The following KBTBD4 variants were observed in gnomAD, a reference collection of about 807,000 sequenced individuals.
KBTBD4 encodes the protein kelch repeat and BTB domain-containing protein 4.
Under a neutral mutation model 43.9 loss-of-function variants are expected in KBTBD4, and 30 were observed. That is an observed-to-expected ratio of 0.68 (90% confidence interval 0.51 to 0.93). The LOEUF (loss-of-function observed/expected upper bound fraction) is 0.93. KBTBD4 is among the 40% of genes least tolerant of loss of function. The pLI is 0.00. For synonymous variants in KBTBD4, 258 were observed against 256.9 expected, an observed-to-expected ratio of 1.00 and a Z score of -0.04; for missense variants, 575 against 668.8, an observed-to-expected ratio of 0.86 and a Z score of 1.55.
rs1371653429 is a variant in KBTBD4, at chr11:47,572,217, T to C, written c.*713A>G. ...ACATATCCCTTCAAAAACTTTTATTTGTATCAACAGTTCCTAGCTCTTGAC... is the reference window on the plus strand; with the variant it reads ...ACATATCCCTTCAAAAACTTTTATTCGTATCAACAGTTCCTAGCTCTTGAC... On this transcript the variant is annotated 3_prime_UTR_variant, in exon 4 of 4. Coordinates refer to ENST00000430070, the MANE Select transcript of KBTBD4 (RefSeq NM_018095.6). The C allele has an allele frequency of 6.5e-6, 1 of 152,930 alleles. No homozygotes were observed. The highest frequency in any genetic ancestry group is 1.5e-5 in the Non-Finnish European group (1 of 68,254). 9.5% of individuals were successfully genotyped at this position (152,930 alleles called of 1,614,324 possible).
Position 47,577,786 on chromosome 11 carries a change from A to T in KBTBD4, c.262T>A (p.Ser88Thr), listed in dbSNP as rs2097262881. 1 of 1,614,044 alleles carries T rather than the reference A, an allele frequency of 6.2e-7. No individual in the cohort carries two copies. The highest frequency in any genetic ancestry group is 8.5e-7 in the Non-Finnish European group (1 of 1,180,042). Residue 88 changes from serine (S) to threonine (T), a missense_variant, in exon 2 of 4, where the codon TCC becomes ACC. Coordinates refer to ENST00000430070, the MANE Select transcript of KBTBD4 (RefSeq NM_018095.6). The stretch of plus-strand genomic sequence containing the variant: ...TCCTTCAGGTTGGAAGTGAACATGG[A>T]TCGGAAGAAGCAGCTCTGAGCTGAG... ...VLSAQSCFFR[S>T]MFTSNLKEAH...
In KBTBD4 at chr11:47,573,571, C is replaced by T. The variant is rs1046517505; in HGVS notation, c.964G>A (p.Val322Ile). Residue 322 changes from valine to isoleucine, a missense_variant, in exon 4 of 4, where the codon GTT (valine) becomes ATT (isoleucine). Transcript: ENST00000430070. The surrounding 1 kb of genome is among the most constrained non-coding windows in gnomAD (Gnocchi z 4.1). ...AAAGGAGCACACCACTCCCAGTCAACGGTGGCATTGTTGCACTTCCACATG... is the reference window on the plus strand; with the variant it reads ...AAAGGAGCACACCACTCCCAGTCAATGGTGGCATTGTTGCACTTCCACATG... ...RRMWKCNNAT[V>I]DWEWCAPLPR... 11 of 1,614,108 alleles carry T rather than the reference C, an allele frequency of 6.8e-6. No individual in the cohort carries two copies. The highest frequency in any genetic ancestry group is 1.3e-5 in the African/African-American group (1 of 74,934).
intron 2 of KBTBD4, 127 bp from the exon 3 acceptor site, chr11:47,575,826 C>A: frequency 1.3e-5 from 7 of 528,888 alleles, no homozygotes; most frequent in Non-Finnish European, 2.0e-5. Flanking sequence ...TACATGCATA[C>A]ATACACATAT....
chr11:47,572,640 T>C lies in KBTBD4; in HGVS notation c.*290A>G. ...CATTGATCAGGTAAAGAGGAGAGGC[T>C]GTGCCTAAGGTCTGAGAAAAGGCTT... On this transcript the variant is annotated 3_prime_UTR_variant, in exon 4 of 4. Transcript: ENST00000430070. 1 of 434,510 alleles carries C rather than the reference T, an allele frequency of 2.3e-6. No homozygotes were observed. Among genetic ancestry groups the C allele is most frequent in the Non-Finnish European group, 4.1e-6 (1 of 241,982 alleles). 26.9% of individuals were successfully genotyped at this position (434,510 alleles called of 1,614,324 possible). A position where few individuals can be genotyped will look rare whatever the true frequency, so the allele number is the denominator to read the frequency against.
At position 47,577,677 on chromosome 11, in the gene KBTBD4, A is replaced by G. The variant is rs2097262522; in HGVS notation, c.371T>C (p.Val124Ala). 21 of 1,614,174 alleles carry G rather than the reference A, an allele frequency of 1.3e-5. No homozygotes were observed. Among genetic ancestry groups the G allele is most frequent in the Non-Finnish European group, 1.7e-5 (20 of 1,180,006 alleles). Reference sequence around the variant, plus strand: ...CTGCAACTCCTCAGCTCGAAGTTTCACAGTCCCATGGTAGATATAATCAAC... The same window carrying G: ...CTGCAACTCCTCAGCTCGAAGTTTCGCAGTCCCATGGTAGATATAATCAAC... ...LLVDYIYHGT[V>A]KLRAEELQEI... Residue 124 changes from valine to alanine, a missense_variant, in exon 2 of 4, where the codon GTG (valine) becomes GCG (alanine). Transcript: ENST00000430070.
In KBTBD4 at chr11:47,573,333, C is replaced by T; in HGVS notation, c.1202G>A (p.Gly401Glu). 4 of 1,614,206 alleles carry T rather than the reference C, an allele frequency of 2.5e-6. No homozygotes were observed. Among genetic ancestry groups the T allele is most frequent in the Non-Finnish European group, 3.4e-6 (4 of 1,180,038 alleles). The change falls in exon 4 of 4, where the codon GGG becomes GAG. Residue 401 changes from glycine to glutamate, a missense_variant. Physicochemically the swap from Gly to Glu is moderately conservative, Grantham distance 98. Coordinates refer to ENST00000430070, the MANE Select transcript of KBTBD4 (RefSeq NM_018095.6). This position sits in a 1 kb window ranked among gnomAD's most constrained non-coding sequence, Gnocchi z 4.1. ...NLNGIIYLLG[G>E]EENDLDFFTK... ...AAAGAAGTCCAGATCATTCTCCTCC[C>T]CCCCTAGTAAGTAGATGATCCCGTT... is the stretch of plus-strand genomic sequence containing the variant.
intron 3 of KBTBD4, among the ~76,000 whole-genome samples, chr11:47,574,616 A>T (rs1308528021): frequency 6.6e-6 from 1 of 151,816 alleles, no homozygotes; most frequent in African/African-American, 2.4e-5. Context: ...AGACTCTGGG[A>T]GGCCAAGGTG....
Position 47,577,795 on chromosome 11 carries a change from A to G in KBTBD4, c.253T>C (p.Phe85Leu). ...HRLVLSAQSC[F>L]FRSMFTSNLK... The stretch of plus-strand genomic sequence containing the variant: ...TTGGAAGTGAACATGGATCGGAAGA[A>G]GCAGCTCTGAGCTGAGAGGACCAGC... Residue 85 changes from phenylalanine (F) to leucine (L), a missense_variant, in exon 2 of 4, where the codon TTC becomes CTC. Phe to Leu is a conservative substitution (Grantham distance 22). Coordinates refer to ENST00000430070, the MANE Select transcript of KBTBD4 (RefSeq NM_018095.6). The G allele has an allele frequency of 3.1e-6, 5 of 1,614,172 alleles. No individual in the cohort carries two copies. The highest frequency in any genetic ancestry group is 4.2e-6 in the Non-Finnish European group (5 of 1,180,028).
rs779958294 is a variant in KBTBD4, at chr11:47,573,048, C to T, written c.1487G>A (p.Arg496Gln). Residue 496 changes from arginine (R) to glutamine (Q), a missense_variant, in exon 4 of 4, where the codon CGG becomes CAG. Physicochemically the swap from Arg to Gln is conservative, Grantham distance 43 (BLOSUM62 1). Coordinates refer to ENST00000430070, the MANE Select transcript of KBTBD4 (RefSeq NM_018095.6). The surrounding 1 kb of genome is among the most constrained non-coding windows in gnomAD (Gnocchi z 4.1). ...GGCATCCCCCTTTTTATATCGGTCC[C>T]GGAAGACATAGATGCTCCCGTTACA... The part of the protein sequence containing the change: ...ASCNGSIYVF[R>Q]DRYKKGDANT... The T allele has an allele frequency of 5.0e-6, 8 of 1,614,014 alleles. No homozygotes were observed. The highest frequency in any genetic ancestry group is 1.6e-4 in the Middle Eastern group (1 of 6,082).
Position 47,575,850 on chromosome 11 carries a change from C to A in KBTBD4, c.638-151G>T. 3 of 442,490 alleles carry A rather than the reference C, an allele frequency of 6.8e-6. No individual in the cohort carries two copies. The South Asian group carries it at 9.7e-5, about 14-fold the overall frequency. The allele number at this position is 442,490 out of a possible 1,614,324, so 27.4% of individuals were successfully genotyped here. On this transcript the variant is annotated intron_variant, in intron 2 of 3. Coordinates refer to ENST00000430070, the MANE Select transcript of KBTBD4 (RefSeq NM_018095.6). Reference sequence around the variant, plus strand: ...ACATACACATATACATGAAATTAACCTAAAATTGCTTTTTTTTTTTTTTTG... The same window carrying A: ...ACATACACATATACATGAAATTAACATAAAATTGCTTTTTTTTTTTTTTTG...
chr11:47,578,150 A>G (rs2097263817), intron 1 of KBTBD4, 122 bp from the exon 2 acceptor site: 3 of 1,097,684 alleles, frequency 2.7e-6, no homozygotes, highest in Non-Finnish European at 2.6e-6. Context: ...GATTGGCCTT[A>G]GTCCTGGCCC....
In KBTBD4 at chr11:47,578,957, A is replaced by C; in HGVS notation, c.-6T>G. ...CCTGCGTTCCCTCCTTTCATCCCGG[A>C]GCCCGGAACCTCCGCTTCCGGCTCC... On this transcript the variant is annotated 5_prime_UTR_variant, in exon 1 of 4. Coordinates refer to ENST00000430070, the MANE Select transcript of KBTBD4 (RefSeq NM_018095.6). 1 of 1,551,648 alleles carries C rather than the reference A, an allele frequency of 6.4e-7. No individual in the cohort carries two copies. Among genetic ancestry groups the C allele is most frequent in the Non-Finnish European group, 8.7e-7 (1 of 1,146,996 alleles).
rs780839275 is a variant in KBTBD4 at position 47,573,873 on chromosome 11, C to T, written c.745-83G>A. On this transcript the variant is annotated intron_variant, in intron 3 of 3. Coordinates refer to ENST00000430070, the MANE Select transcript of KBTBD4 (RefSeq NM_018095.6). The surrounding 1 kb of genome is among the most constrained non-coding windows in gnomAD (Gnocchi z 4.1). ...AAGACACATATCCTTAAGATCCTGG[C>T]CCTCACACTTGTTCCTAGCTTTATC... 2.7e-4 allele frequency: 342 copies of T among 1,251,928 alleles called. No individual in the cohort carries two copies. The highest frequency in any genetic ancestry group is 3.7e-4 in the Non-Finnish European group (334 of 901,046). 77.6% of individuals were successfully genotyped at this position (1,251,928 alleles called of 1,614,324 possible).
At chr11:47,574,809 G>A (rs186711552) in intron 3 of KBTBD4, among the ~76,000 whole-genome samples, 22 of 152,014 alleles carry the variant, frequency 1.4e-4, no homozygotes, top group Admixed American at 1.1e-3. Flanking sequence ...AGCCGAGATC[G>A]CACCATCGCA....
In KBTBD4 at chr11:47,575,613, ACT is replaced by A. The variant is rs2097257667; in HGVS notation, c.722_723del (p.Glu241ValfsTer38). ...CTTACCTTCAAGCTTGTCCTGAGTG[ACT>A]CTGCAAAAGCCTCTCTTTCCTCTTT... ...FNKEEREAFA[E>X]SLRTSLKEIG... On this transcript the variant is annotated frameshift_variant, in exon 3 of 4. Coordinates refer to ENST00000430070, the MANE Select transcript of KBTBD4 (RefSeq NM_018095.6). LOFTEE classifies it high-confidence loss of function. 6.2e-7 allele frequency: 1 copy of A among 1,611,734 alleles called. No individual in the cohort carries two copies. The highest frequency in any genetic ancestry group is 8.5e-7 in the Non-Finnish European group (1 of 1,178,228).
intron 1 of KBTBD4, chr11:47,578,618 T>C: frequency 1.4e-6 from 1 of 735,828 alleles, no homozygotes; most frequent in Non-Finnish European, 2.4e-6. Context: ...TCCCAGAACT[T>C]GAGTCCATCC....
chr11:47,575,136 G>A (rs2097256659), intron 3 of KBTBD4, among the ~76,000 whole-genome samples: 2 of 151,388 alleles, frequency 1.3e-5, no homozygotes, highest in South Asian at 4.2e-4. Context: ...CCTGAAACTG[G>A]GAAGTGGAGG....
At chr11:47,574,888 C>G (rs1598790491) in intron 3 of KBTBD4, among the ~76,000 whole-genome samples, 1 of 320 alleles carries the variant, frequency 3.1e-3, no homozygotes, top group Admixed American at 0.038. Flanking sequence ...GAGCGAAACT[C>G]CCATCTCTCT....
rs1050669793 is a variant in KBTBD4 at position 47,572,703 on chromosome 11, G to C, written c.*227C>G. 3.5e-6 allele frequency: 2 copies of C among 565,666 alleles called. No individual in the cohort carries two copies. Among genetic ancestry groups the C allele is most frequent in the African/African-American group, 3.7e-5 (2 of 53,436 alleles). The allele number at this position is 565,666 out of a possible 1,614,324, so 35.0% of individuals were successfully genotyped here. A position where few individuals can be genotyped will look rare whatever the true frequency, so the allele number is the denominator to read the frequency against. The stretch of plus-strand genomic sequence containing the variant: ...CTGTGGTGAGGCACAGGATGACTAG[G>C]GAATGGCAGAGAACAGGCTGGCCTA... On this transcript the variant is annotated 3_prime_UTR_variant, in exon 4 of 4. Coordinates refer to ENST00000430070, the MANE Select transcript of KBTBD4 (RefSeq NM_018095.6).
Sources: allele counts gnomAD v4.1 joint callset (sites outside exome capture counted in the v4.1 genomes callset), GRCh38; gene constraint gnomAD v4.1.1; non-coding constraint Gnocchi (gnomAD v3.1); transcripts MANE v1.5; gene names NCBI Gene and HGNC (gene_info 2026-07-23, HGNC 2026-07-21).